SCAPER: variants seen among roughly 807,000 people sequenced by gnomAD.
SCAPER encodes S-phase cyclin A associated protein in the ER, also known as S phase cyclin A-associated protein in the endoplasmic reticulum.
Under a neutral mutation model 182.2 loss-of-function variants are expected in SCAPER, and 98 were observed. The observed-to-expected ratio is 0.54, with a 90% CI of 0.46 to 0.64. SCAPER has a LOEUF of 0.64. SCAPER is among the 30% of genes least tolerant of loss of function. The pLI is 0.00. For missense variants in SCAPER, 1,432 were observed against 1,690.0 expected (o/e 0.85, Z 2.68); for synonymous variants, 605 against 564.6 (o/e 1.07, Z -1.01).
At chr15:76,390,755 C>A (rs2043636203) in intron 27 of SCAPER, among the ~76,000 whole-genome samples, 1 of 152,170 alleles carries the variant, frequency 6.6e-6, no homozygotes, top group East Asian at 1.9e-4. Flanking sequence ...TTGGGGCTCT[C>A]TTTACAGTTT....
intron 28 of SCAPER, among the ~76,000 whole-genome samples, chr15:76,378,290 C>T (rs144998786): frequency 1.3e-5 from 2 of 152,334 alleles, no homozygotes; most frequent in Non-Finnish European, 2.9e-5. Flanking sequence ...TTGAGCCTCC[C>T]AGGCAATTCA....
At chr15:76,881,931 G>T (rs982632602) in intron 2 of SCAPER, among the ~76,000 whole-genome samples, 2 of 152,290 alleles carry the variant, frequency 1.3e-5, no homozygotes, top group East Asian at 3.9e-4. Context: ...AAGGGAAGAA[G>T]AGGAAGAAGA....
At position 76,592,984 on chromosome 15, in the gene SCAPER, C is replaced by A. The variant is rs1299160051; in HGVS notation, c.2712-18700G>T. On this transcript the variant is annotated intron_variant, in intron 22 of 31. Transcript: ENST00000563290. ...CCACCGAGACAGAACCATTCATTAC[C>A]CTGGAAAGGGGGCTGAAGCCAGGGA... is the stretch of plus-strand genomic sequence containing the variant. Among the ~76,000 whole-genome samples, 2 of 117,702 alleles carry A rather than the reference C, an allele frequency of 1.7e-5. 1 individual carries two copies. Among genetic ancestry groups the A allele is most frequent in the Non-Finnish European group, 4.1e-5 (2 of 48,236 alleles). The allele number at this position is 117,702 out of a possible 152,430, so 77.2% of individuals were successfully genotyped here.
chr15:76,625,076 A>C (rs549795656), intron 21 of SCAPER, among the ~76,000 whole-genome samples: 13 of 152,264 alleles, frequency 8.5e-5, no homozygotes, highest in Non-Finnish European at 1.8e-4. Flanking sequence ...GTACTCGGGT[A>C]CCAACAGCGG....
chr15:76,608,262 T>C (rs1705494686), intron 22 of SCAPER, among the ~76,000 whole-genome samples: 1 of 152,212 alleles, frequency 6.6e-6, no homozygotes, highest in African/African-American at 2.4e-5. Context: ...GCAGGTCTGT[T>C]AGAGTTTGCT....
chr15:76,888,440 C>T (rs922579153), intron 1 of SCAPER, among the ~76,000 whole-genome samples: 1 of 152,058 alleles, frequency 6.6e-6, no homozygotes, highest in Non-Finnish European at 1.5e-5. Flanking sequence ...AAAGGTTAGA[C>T]GAATGGCTAA....
At chr15:76,498,823 C>T (rs562418356) in intron 24 of SCAPER, among the ~76,000 whole-genome samples, 3 of 152,182 alleles carry the variant, frequency 2.0e-5, no homozygotes, top group South Asian at 2.1e-4. Flanking sequence ...AAATGATCTT[C>T]CTAGTGAACA....
chr15:76,359,963 C>T (rs561097487), intron 29 of SCAPER, among the ~76,000 whole-genome samples: 2 of 152,244 alleles, frequency 1.3e-5, no homozygotes, highest in South Asian at 4.1e-4. Flanking sequence ...ATACAGATGG[C>T]AGATTTTGGA....
chr15:76,544,153 G>T (rs543703527), intron 23 of SCAPER, among the ~76,000 whole-genome samples: 1 of 152,054 alleles, frequency 6.6e-6, no homozygotes, highest in Non-Finnish European at 1.5e-5. Flanking sequence ...CACTAGGATG[G>T]CTATATTTAA....
intron 2 of SCAPER, among the ~76,000 whole-genome samples, chr15:76,875,903 C>T (rs985985879): frequency 6.6e-6 from 1 of 152,272 alleles, no homozygotes; most frequent in South Asian, 2.1e-4. Context: ...AGGCTCGGGC[C>T]GCGCAGGACC....
intron 15 of SCAPER, among the ~76,000 whole-genome samples, chr15:76,737,419 A>G (rs1354533335): frequency 6.6e-6 from 1 of 152,224 alleles, no homozygotes; most frequent in Non-Finnish European, 1.5e-5. Flanking sequence ...TGGATTTAAA[A>G]TATTCAGTAA....
At chr15:76,430,533 T>A (rs544327959) in intron 26 of SCAPER, among the ~76,000 whole-genome samples, 2 of 152,256 alleles carry the variant, frequency 1.3e-5, no homozygotes, top group East Asian at 3.9e-4. Flanking sequence ...TCAAAAGAGA[T>A]CATTTTGGAG....
chr15:76,430,539 T>C (rs562528204), intron 26 of SCAPER, among the ~76,000 whole-genome samples: 13 of 152,382 alleles, frequency 8.5e-5, no homozygotes, highest in Admixed American at 2.6e-4. Context: ...GAGATCATTT[T>C]GGAGCTTTAA....
intron 20 of SCAPER, among the ~76,000 whole-genome samples, chr15:76,678,668 AAAG>A (rs1022639193): frequency 5.9e-5 from 9 of 151,944 alleles, no homozygotes; most frequent in South Asian, 2.1e-4. Context: ...CCTGGAAGAG[AAAG>A]AAGAAGAAGG....
At chr15:76,453,532 A>G (rs2048518170) in intron 25 of SCAPER, among the ~76,000 whole-genome samples, 1 of 152,210 alleles carries the variant, frequency 6.6e-6, no homozygotes, top group Non-Finnish European at 1.5e-5. Context: ...AGATTATATT[A>G]TCTTTGGCAG....
At chr15:76,752,295 G>A (rs2062137241) in intron 15 of SCAPER, among the ~76,000 whole-genome samples, 1 of 151,720 alleles carries the variant, frequency 6.6e-6, no homozygotes, top group South Asian at 2.1e-4. Flanking sequence ...TATAAAAATG[G>A]TGAACTACAT....
intron 5 of SCAPER, among the ~76,000 whole-genome samples, chr15:76,808,043 T>C (rs1324109848): frequency 1.3e-5 from 2 of 152,244 alleles, no homozygotes; most frequent in East Asian, 3.9e-4. Context: ...GGACTCAGTA[T>C]TCTGAGTCTC....
At chr15:76,836,215 A>G (rs2068937811) in intron 5 of SCAPER, among the ~76,000 whole-genome samples, 1 of 152,188 alleles carries the variant, frequency 6.6e-6, no homozygotes, top group Non-Finnish European at 1.5e-5. Context: ...GAATTCAAAA[A>G]AACTATTCTA....
chr15:76,416,045 T>C (rs2045621989), intron 26 of SCAPER, among the ~76,000 whole-genome samples: 1 of 152,116 alleles, frequency 6.6e-6, no homozygotes, highest in African/African-American at 2.4e-5. Context: ...ATGTTCTGAA[T>C]ATATAAATAA....
Sources: gnomAD v4.1 joint callset for allele counts (sites outside exome capture counted in the v4.1 genomes callset) on GRCh38, gnomAD v4.1.1 for gene constraint, MANE v1.5 for transcripts, NCBI Gene and HGNC (gene_info 2026-07-23, HGNC 2026-07-21) for gene names.